Variants in TAP2 observed in about 807,000 individuals in gnomAD.
The protein encoded by TAP2 is transporter 2, ATP binding cassette subfamily B member.
Under a neutral mutation model 74.7 loss-of-function variants are expected in TAP2, and 49 were observed. That is an observed-to-expected ratio of 0.66 (90% confidence interval 0.52 to 0.83). The LOEUF (loss-of-function observed/expected upper bound fraction) is 0.83. Ranked by LOEUF, TAP2 falls within the 40% of genes least tolerant of loss-of-function variation. TAP2 has a pLI of 0.00. For synonymous variants in TAP2, 306 were observed against 368.4 expected (o/e 0.83, Z 1.94); for missense variants, 739 against 859.0 (o/e 0.86, Z 1.75).
Position 32,830,716 on chromosome 6 carries a change from A to C in TAP2, c.1363T>G (p.Ser455Ala). 3.7e-6 allele frequency: 6 copies of C among 1,613,044 alleles called. No individual in the cohort carries two copies. The highest frequency in any genetic ancestry group is 5.1e-6 in the Non-Finnish European group (6 of 1,180,014). ...GTGGTGGGGGCAAGCGTGCCAGGTG[A>C]AGGCAGATTTGGCTGTCGGTCCATG... Reference protein sequence around the residue: ...SYMDRQPNLPSPGTLAPTTLQ... With the variant: ...SYMDRQPNLPAPGTLAPTTLQ... The change falls in exon 8 of 12, where the codon TCA becomes GCA. Residue 455 changes from serine to alanine, a missense_variant. Transcript: ENST00000374897.
chr6:32,824,863 T>G (rs16870921), downstream of TAP2, among the ~76,000 whole-genome samples: 4,236 of 152,186 alleles, frequency 0.028, 89 homozygotes, highest in African/African-American at 0.05. Flanking sequence ...GCCTTATTTT[T>G]AAATTTAATA....
Position 32,837,789 on chromosome 6 carries a change from G to C in TAP2, c.445C>G (p.Leu149Val), listed in dbSNP as rs756860669. 1.5e-5 allele frequency: 24 copies of C among 1,614,040 alleles called. No homozygotes were observed. Among genetic ancestry groups the C allele is most frequent in the Non-Finnish European group, 1.9e-5 (22 of 1,180,038 alleles). The change falls in exon 2 of 12, where the codon CTG becomes GTG. Residue 149 changes from leucine (L) to valine (V), a missense_variant. Coordinates refer to ENST00000374897, the MANE Select transcript of TAP2 (RefSeq NM_001290043.2). ...WRLLKLSRPDLPLLVAAFFFL... is the reference protein window; with the variant it reads ...WRLLKLSRPDVPLLVAAFFFL... The stretch of plus-strand genomic sequence containing the variant: ...AAGAAGGCGGCAACGAGGAGAGGCA[G>C]GTCCGGCCTGGAGAGCTTCAGCAGC...
rs376467259 is a variant in TAP2 at position 32,832,742 on chromosome 6, C to T, written c.1028G>A (p.Arg343His). 1.4e-5 allele frequency: 22 copies of T among 1,612,988 alleles called. No homozygotes were observed. Among genetic ancestry groups the T allele is most frequent in the African/African-American group, 1.2e-4 (9 of 74,916 alleles). Residue 343 changes from arginine (R) to histidine (H), a missense_variant, in exon 6 of 12, where the codon CGC becomes CAC. Transcript: ENST00000374897. The surrounding 1 kb of genome is among the most constrained non-coding windows in gnomAD (Gnocchi z 5.9). ...TTCATGCTCCTCGGCCCCAAAACTG[C>T]GAACGGTCTGCAGCCCTCCAACGGC... ...REAVGGLQTVRSFGAEEHEVC... is the reference protein window; with the variant it reads ...REAVGGLQTVHSFGAEEHEVC...
intron 7 of TAP2, among the ~76,000 whole-genome samples, chr6:32,831,879 C>T (rs1562329602): frequency 1.3e-5 from 2 of 152,182 alleles, no homozygotes; most frequent in African/African-American, 4.8e-5. Context: ...TACACATATA[C>T]TACATGGATA....
Position 32,826,256 on chromosome 6 carries a change from T to C in TAP2, c.*2650A>G. The stretch of plus-strand genomic sequence containing the variant: ...TAAAGGACTTGAAACTCAATGCTGT[T>C]TCCACATAGGGCCGGGCAGACAGGC... On this transcript the variant is annotated 3_prime_UTR_variant, in exon 12 of 12. Transcript: ENST00000374897. 1 of 985,440 alleles carries C rather than the reference T, an allele frequency of 1.0e-6. No individual in the cohort carries two copies. The highest frequency in any genetic ancestry group is 4.7e-5 in the South Asian group (1 of 21,290). 61.0% of individuals were successfully genotyped at this position (985,440 alleles called of 1,614,324 possible).
Position 32,829,973 on chromosome 6 carries a change from G to A in TAP2, c.1752C>T (p.His584=), listed in dbSNP as rs144543918. Residue 584 remains histidine, a synonymous_variant, in exon 10 of 12, where the codon CAC becomes CAT. Transcript: ENST00000374897. ...DKVMAAAQAA[H]ADDFIQEMEH... The stretch of plus-strand genomic sequence containing the variant: ...CCATTTCCTGGATGAAGTCATCTGC[G>A]TGGGCAGCCTGGGCAGCCGCCATCA... The A allele has an allele frequency of 3.4e-4, 544 of 1,613,056 alleles. 3 individuals carry two copies. Among genetic ancestry groups the A allele is most frequent in the African/African-American group, 6.9e-4 (52 of 75,012 alleles).
In TAP2 at chr6:32,828,916, G is replaced by A. The variant is rs184698711; in HGVS notation, c.2051C>T (p.Ala684Val). The A allele has an allele frequency of 3.2e-5, 50 of 1,545,216 alleles. 3 individuals carry two copies. In the African/African-American group the frequency reaches 3.6e-4, roughly 11 times the overall value. The change falls in exon 12 of 12, where the codon GCC (alanine) becomes GTC (valine). Residue 684 changes from alanine (A) to valine (V), a missense_variant. Transcript: ENST00000374897. ...GAGGTCCTGTCCCTCCTAGAGCTGG[G>A]CAAGCTTCTGCAGCTTGCCCTCCTG... ...VLQEGKLQKL[A>V]QL is the part of the protein sequence containing the mutation.
chr6:32,834,373 T>C (rs751486613), intron 5 of TAP2, among the ~76,000 whole-genome samples: 25 of 152,204 alleles, frequency 1.6e-4, no homozygotes, highest in Middle Eastern at 3.2e-3. Context: ...CTAAGTAAAA[T>C]ATGCCAGTCA....
chr6:32,823,095 T>C (rs1025268563), downstream of TAP2, among the ~76,000 whole-genome samples: 6 of 151,962 alleles, frequency 3.9e-5, no homozygotes, highest in African/African-American at 1.5e-4. Flanking sequence ...AATTTTTGTA[T>C]TTTTGGTAGA....
intron 9 of TAP2, 22 bp downstream of exon 9, chr6:32,830,243 CCT>C (rs55789561): frequency 0.011 from 16,947 of 1,613,132 alleles, 145 homozygotes; most frequent in African/African-American, 0.034. Flanking sequence ...TCTCCTGTCC[CCT>C]GTCTTCTCCC....
downstream of TAP2, chr6:32,822,349 A>G (rs1367413070): frequency 7.2e-7 from 1 of 1,383,286 alleles, no homozygotes; most frequent in African/African-American, 1.5e-5. Context: ...AAACCCCTTG[A>G]TCTTAATGGG....
chr6:32,835,695 A>C lies in TAP2; in HGVS notation c.687T>G (p.Leu229=), dbSNP rs772998305. 2.5e-6 allele frequency: 4 copies of C among 1,612,944 alleles called. No individual in the cohort carries two copies. Among genetic ancestry groups the C allele is most frequent in the Non-Finnish European group, 3.4e-6 (4 of 1,180,032 alleles). ...GGTCCTGGCGCAGCAGGGAGGAGAA[A>C]AGCTGCTCCCGGATCCGCAAGTTGA... ...SRINLRIREQ[L]FSSLLRQDLG... is the part of the protein sequence containing the mutation. The change falls in exon 4 of 12, where the codon CTT becomes CTG. Residue 229 remains leucine (L), a synonymous_variant. Coordinates refer to ENST00000374897, the MANE Select transcript of TAP2 (RefSeq NM_001290043.2). The surrounding 1 kb of genome is among the most constrained non-coding windows in gnomAD (Gnocchi z 4.0).
chr6:32,823,429 A>ATT (rs9280195), downstream of TAP2, among the ~76,000 whole-genome samples: 6,153 of 64,486 alleles, frequency 0.095, 289 homozygotes, highest in South Asian at 0.14. Context: ...GTCACACTCA[A>ATT]TTTTTTTTTT....
Position 32,838,193 on chromosome 6 carries a change from A to G in TAP2, c.41T>C (p.Leu14Pro). The G allele has an allele frequency of 6.3e-7, 1 of 1,590,912 alleles. No homozygotes were observed. Among genetic ancestry groups the G allele is most frequent in the Non-Finnish European group, 8.6e-7 (1 of 1,168,946 alleles). ...CAGCCACAGTAAAGCCGCGTCCACCAGCAGCAGGGAGGTCCAGGGTCTCAG... is the reference window on the plus strand; with the variant it reads ...CAGCCACAGTAAAGCCGCGTCCACCGGCAGCAGGGAGGTCCAGGGTCTCAG... ...PDLRPWTSLL[L>P]VDAALLWLLQ... The change falls in exon 2 of 12, where the codon CTG becomes CCG. Residue 14 changes from leucine (L) to proline (P), a missense_variant. Physicochemically the swap from Leu to Pro is moderately conservative, Grantham distance 98. Transcript: ENST00000374897.
chr6:32,827,128 CCAAAA>C lies in TAP2; in HGVS notation c.*1773_*1777del. On this transcript the variant is annotated 3_prime_UTR_variant, in exon 12 of 12. Transcript: ENST00000374897. ...CAACAGCTGCCAGGCAAGAAAAAAT[CCAAAA>C]CAGCAGTTCTGGGGAATTCATTGCC... 1.0e-6 allele frequency: 1 copy of C among 985,720 alleles called. No homozygotes were observed. Among genetic ancestry groups the C allele is most frequent in the Non-Finnish European group, 1.2e-6 (1 of 829,946 alleles). The allele number at this position is 985,720 out of a possible 1,614,324, so 61.1% of individuals were successfully genotyped here. A position where few individuals can be genotyped will look rare whatever the true frequency, so the allele number is the denominator to read the frequency against.
rs1348242350 is a variant in TAP2 at position 32,827,184 on chromosome 6, C to G, written c.*1722G>C. On this transcript the variant is annotated 3_prime_UTR_variant, in exon 12 of 12. Transcript: ENST00000374897. Reference sequence around the variant, plus strand: ...AGCACTGGAAACTACCTGCTGTTTCCAGGAATATGAAGGTTTCTCTTTCCT... The same window carrying G: ...AGCACTGGAAACTACCTGCTGTTTCGAGGAATATGAAGGTTTCTCTTTCCT... The G allele has an allele frequency of 4.1e-6, 4 of 985,372 alleles. No individual in the cohort carries two copies. In the African/African-American group the frequency reaches 7.0e-5, roughly 17 times the overall value. The allele number at this position is 985,372 out of a possible 1,614,324, so 61.0% of individuals were successfully genotyped here.
rs1768706058 is a variant in TAP2, at chr6:32,827,174, C to T, written c.*1732G>A. On this transcript the variant is annotated 3_prime_UTR_variant, in exon 12 of 12. Coordinates refer to ENST00000374897, the MANE Select transcript of TAP2 (RefSeq NM_001290043.2). ...ATTCATTGCCAGCACTGGAAACTAC[C>T]TGCTGTTTCCAGGAATATGAAGGTT... 5.1e-6 allele frequency: 5 copies of T among 985,582 alleles called. No homozygotes were observed. Among genetic ancestry groups the T allele is most frequent in the Non-Finnish European group, 6.0e-6 (5 of 829,942 alleles). The allele number at this position is 985,582 out of a possible 1,614,324, so 61.1% of individuals were successfully genotyped here.
intron 5 of TAP2, among the ~76,000 whole-genome samples, chr6:32,833,428 TAGTGA>T (rs1383287223): frequency 1.2e-4 from 18 of 152,090 alleles, no homozygotes; most frequent in African/African-American, 4.3e-4. Context: ...GCAAAACATA[TAGTGA>T]ACTCCCACAA....
Position 32,828,677 on chromosome 6 carries a change from C to CCGG in TAP2, c.*228_*229insCCG. On this transcript the variant is annotated 3_prime_UTR_variant, in exon 12 of 12. Transcript: ENST00000374897. ...ATTAAGTTTCCTGGACACAGACAGC[C>CCGG]CCCACCCCACCCCACCCCACCTCTC... is the stretch of plus-strand genomic sequence containing the variant. The CCGG allele has an allele frequency of 3.1e-6, 3 of 971,796 alleles. No homozygotes were observed. Among genetic ancestry groups the CCGG allele is most frequent in the Non-Finnish European group, 3.7e-6 (3 of 806,864 alleles). The allele number at this position is 971,796 out of a possible 1,614,324, so 60.2% of individuals were successfully genotyped here.
Sources: gnomAD v4.1 joint callset for allele counts (sites outside exome capture counted in the v4.1 genomes callset) on GRCh38, gnomAD v4.1.1 for gene constraint, Gnocchi (gnomAD v3.1) non-coding constraint, MANE v1.5 for transcripts, NCBI Gene and HGNC (gene_info 2026-07-23, HGNC 2026-07-21) for gene names.